The following PSMF1 variants were observed in gnomAD, a reference collection of about 807,000 sequenced individuals.
PSMF1 encodes the protein proteasome inhibitor PI31 subunit.
PSMF1 carries 30 observed loss-of-function variants against 29.3 expected under a neutral mutation model. That is an observed-to-expected ratio of 1.02 (90% CI 0.77 to 1.39). The LOEUF is 1.39. Among genes scored for constraint, PSMF1 ranks in the 40% most tolerant of loss-of-function variants. The probability of loss-of-function intolerance (pLI) is 0.00; values close to 1 mark genes in which losing one functional copy is unlikely to be tolerated. For missense variants in PSMF1, 344 were observed against 357.5 expected, an observed-to-expected ratio of 0.96 and a Z score of 0.31; for synonymous variants, 134 against 139.7, an observed-to-expected ratio of 0.96 and a Z score of 0.29.
At chr20:1,136,260 C>T (rs1003399099) in intron 4 of PSMF1, among the ~76,000 whole-genome samples, 3 of 152,074 alleles carry the variant, frequency 2.0e-5, no homozygotes, top group Non-Finnish European at 2.9e-5. Flanking sequence ...ATAAGATGAC[C>T]TGCCTGAGTT....
At chr20:1,117,550 G>A (rs1032492403), upstream of PSMF1, among the ~76,000 whole-genome samples, 1 of 152,102 alleles carries the variant, frequency 6.6e-6, no homozygotes, top group African/African-American at 2.4e-5. Flanking sequence ...CACCATGTTG[G>A]CCAGGCTGGT....
chr20:1,141,357 A>G (rs2086377599), intron 4 of PSMF1, among the ~76,000 whole-genome samples: 1 of 152,222 alleles, frequency 6.6e-6, no homozygotes, highest in Admixed American at 6.5e-5. Context: ...AAAAATGGGT[A>G]TTTTACAAAA....
At position 1,166,039 on chromosome 20, in the gene PSMF1, G is replaced by A. The variant is rs970052845; in HGVS notation, c.*959G>A. On this transcript the variant is annotated 3_prime_UTR_variant, in exon 7 of 7. Transcript: ENST00000335877. ...CAGAGGAAAAGAATGATGGTTCAAG[G>A]CCATACTTCCCTTGAACCTTGTGTG... 50 of 1,460,860 alleles carry A rather than the reference G, an allele frequency of 3.4e-5. No individual in the cohort carries two copies. In the Admixed American group the frequency reaches 5.3e-4, roughly 16 times the overall value. The allele number at this position is 1,460,860 out of a possible 1,614,324, so 90.5% of individuals were successfully genotyped here.
Position 1,164,879 on chromosome 20 carries a change from C to T in PSMF1, c.765-150C>T, listed in dbSNP as rs1260932703. On this transcript the variant is annotated intron_variant, in intron 6 of 6. Coordinates refer to ENST00000335877, the MANE Select transcript of PSMF1 (RefSeq NM_006814.5). The surrounding 1 kb of genome is among the most constrained non-coding windows in gnomAD (Gnocchi z 4.1). ...AGCGGGGGAGTCAGGATTCAAACCC[C>T]GGTTGTCTGGCTCTTGAGTGCATGT... 6.8e-6 allele frequency: 5 copies of T among 734,100 alleles called. No homozygotes were observed. The highest frequency in any genetic ancestry group is 1.8e-5 in the African/African-American group (1 of 56,974). 45.5% of individuals were successfully genotyped at this position (734,100 alleles called of 1,614,324 possible).
chr20:1,146,210 A>G (rs928467548), intron 4 of PSMF1, among the ~76,000 whole-genome samples: 1 of 151,812 alleles, frequency 6.6e-6, no homozygotes, highest in Non-Finnish European at 1.5e-5. Flanking sequence ...GTGCTGCCTG[A>G]GTTGTGTCTT....
rs560124698 is a variant in PSMF1, at chr20:1,165,913, T to A, written c.*833T>A. Reference sequence around the variant, plus strand: ...ATGACCCTAAGCAAGTTCCTTCTCCTCTTAGGGCCTTGTGCCAAGCCTATG... The same window carrying A: ...ATGACCCTAAGCAAGTTCCTTCTCCACTTAGGGCCTTGTGCCAAGCCTATG... On this transcript the variant is annotated 3_prime_UTR_variant, in exon 7 of 7. Coordinates refer to ENST00000335877, the MANE Select transcript of PSMF1 (RefSeq NM_006814.5). The A allele has an allele frequency of 2.1e-5, 27 of 1,306,860 alleles. No homozygotes were observed. The highest frequency in any genetic ancestry group is 3.2e-5 in the Admixed American group (1 of 31,312). The allele number at this position is 1,306,860 out of a possible 1,614,324, so 81.0% of individuals were successfully genotyped here.
chr20:1,128,363 A>G (rs1600144807), intron 3 of PSMF1, among the ~76,000 whole-genome samples: 1 of 152,148 alleles, frequency 6.6e-6, no homozygotes, highest in Non-Finnish European at 1.5e-5. Context: ...CTTATTCCAT[A>G]CTTATATCTC....
chr20:1,164,159 G>A lies in PSMF1; in HGVS notation c.606-159G>A, dbSNP rs944488178. Among the ~76,000 whole-genome samples the A allele has an allele frequency of 2.0e-5, 3 of 152,130 alleles. No homozygotes were observed. Among genetic ancestry groups the A allele is most frequent in the Non-Finnish European group, 4.4e-5 (3 of 68,016 alleles). Reference sequence around the variant, plus strand: ...GTATAGGCTTTGTGTTCTTGCCCTTGCCCACTTTCCGCTGGCTCTCAGGCA... The same window carrying A: ...GTATAGGCTTTGTGTTCTTGCCCTTACCCACTTTCCGCTGGCTCTCAGGCA... On this transcript the variant is annotated intron_variant, in intron 5 of 6. Coordinates refer to ENST00000335877, the MANE Select transcript of PSMF1 (RefSeq NM_006814.5). The surrounding 1 kb of genome is among the most constrained non-coding windows in gnomAD (Gnocchi z 4.1).
At chr20:1,160,259 C>T (rs1291293956) in intron 4 of PSMF1, among the ~76,000 whole-genome samples, 1 of 151,972 alleles carries the variant, frequency 6.6e-6, no homozygotes, top group Non-Finnish European at 1.5e-5. Flanking sequence ...CCCCTTTCCC[C>T]TCAGTACTTA....
intron 4 of PSMF1, among the ~76,000 whole-genome samples, chr20:1,146,947 A>G (rs967451278): frequency 6.6e-6 from 1 of 152,208 alleles, no homozygotes; most frequent in African/African-American, 2.4e-5. Flanking sequence ...AAAGATGAGA[A>G]CAAATGTGAA....
chr20:1,123,271 A>G (rs2086113131), intron 1 of PSMF1, among the ~76,000 whole-genome samples: 1 of 152,014 alleles, frequency 6.6e-6, no homozygotes, highest in African/African-American at 2.4e-5. Flanking sequence ...GCAATTCTCA[A>G]TGTGTGGTCT....
chr20:1,166,181 G>A lies in PSMF1; in HGVS notation c.*1101G>A, dbSNP rs368044805. 6.2e-6 allele frequency: 10 copies of A among 1,609,364 alleles called. No individual in the cohort carries two copies. The Admixed American group carries it at 1.3e-4, about 22-fold the overall frequency. Reference sequence around the variant, plus strand: ...GGAGGAGCAGGGAGCCCTGCACCTTGTGTCCTGGCCCACCTGACCTTTGGT... The same window carrying A: ...GGAGGAGCAGGGAGCCCTGCACCTTATGTCCTGGCCCACCTGACCTTTGGT... On this transcript the variant is annotated 3_prime_UTR_variant, in exon 7 of 7. Transcript: ENST00000335877.
intron 4 of PSMF1, among the ~76,000 whole-genome samples, chr20:1,150,423 C>T (rs908965928): frequency 4.6e-5 from 7 of 151,650 alleles, no homozygotes; most frequent in South Asian, 2.1e-4. Flanking sequence ...GCTTTTGCAC[C>T]GTCAGTGCAA....
chr20:1,139,349 A>G (rs1307660395), intron 4 of PSMF1, among the ~76,000 whole-genome samples: 1 of 152,210 alleles, frequency 6.6e-6, no homozygotes, highest in Non-Finnish European at 1.5e-5. Flanking sequence ...TGTTTTTGCC[A>G]CTTTTATATA....
rs1340591271 is a variant in PSMF1 at position 1,169,282 on chromosome 20, G to A, written c.*4202G>A. Among the ~76,000 whole-genome samples the A allele has an allele frequency of 3.9e-5, 6 of 152,214 alleles. No homozygotes were observed. Among genetic ancestry groups the A allele is most frequent in the Non-Finnish European group, 7.3e-5 (5 of 68,040 alleles). The stretch of plus-strand genomic sequence containing the variant: ...GGTAGGATGGTAGGCAGTGAGGGGT[G>A]GCAAGGCCTAGCTGACTGAGGACAG... On this transcript the variant is annotated 3_prime_UTR_variant, in exon 7 of 7. Transcript: ENST00000335877.
At chr20:1,122,463 A>AT (rs553475382) in intron 1 of PSMF1, among the ~76,000 whole-genome samples, 286 of 151,190 alleles carry the variant, frequency 1.9e-3, no homozygotes, top group Non-Finnish European at 3.6e-3. Context: ...TGCCTGGCTA[A>AT]TTTTTTTTGT....
chr20:1,162,076 G>T (rs867245512), intron 4 of PSMF1, among the ~76,000 whole-genome samples: 1 of 152,164 alleles, frequency 6.6e-6, no homozygotes. Flanking sequence ...TCATGTGTCA[G>T]GGCTGAGTAT....
chr20:1,116,234 T>C (rs2086011072), upstream of PSMF1, among the ~76,000 whole-genome samples: 1 of 152,138 alleles, frequency 6.6e-6, no homozygotes, highest in Non-Finnish European at 1.5e-5. Flanking sequence ...TTTCCATAAT[T>C]GGATAAGGGC....
At position 1,165,964 on chromosome 20, in the gene PSMF1, A is replaced by C; in HGVS notation, c.*884A>C. The C allele has an allele frequency of 7.2e-7, 1 of 1,381,104 alleles. No homozygotes were observed. The highest frequency in any genetic ancestry group is 9.4e-7 in the Non-Finnish European group (1 of 1,066,040). The allele number at this position is 1,381,104 out of a possible 1,614,324, so 85.6% of individuals were successfully genotyped here. ...AAATTGGAGGTGGCTTTCCTGCTCT[A>C]AAGCATTTTGATGTCTCATTCTGTG... On this transcript the variant is annotated 3_prime_UTR_variant, in exon 7 of 7. Coordinates refer to ENST00000335877, the MANE Select transcript of PSMF1 (RefSeq NM_006814.5).
Sources: allele counts gnomAD v4.1 joint callset (sites outside exome capture counted in the v4.1 genomes callset), GRCh38; gene constraint gnomAD v4.1.1; non-coding constraint Gnocchi (gnomAD v3.1); transcripts MANE v1.5; gene names NCBI Gene and HGNC (gene_info 2026-07-23, HGNC 2026-07-21).